The following PCDH11X variants were observed in gnomAD, a reference collection of about 807,000 sequenced individuals.
PCDH11X encodes the protein protocadherin 11 X-linked, also known as protocadherin-11 X-linked.
In PCDH11X, 18 loss-of-function variants were observed where a neutral mutation model predicts 53.3. The observed-to-expected ratio is 0.34, with a 90% CI of 0.23 to 0.50. PCDH11X has a LOEUF of 0.50. Ranked by LOEUF, PCDH11X falls within the 20% of genes least tolerant of loss-of-function variation. The probability of loss-of-function intolerance (pLI) is 0.98; values close to 1 mark genes in which losing one functional copy is unlikely to be tolerated. For missense variants in PCDH11X, 570 were observed against 1,032.4 expected (o/e 0.55, Z 6.14); for synonymous variants, 279 against 393.3 (o/e 0.71, Z 3.44).
At chrX:91,788,459 A>G (rs768284892) in intron 1 of PCDH11X, among the ~76,000 whole-genome samples, 1 of 112,280 alleles carries the variant, frequency 8.9e-6, no homozygotes, top group East Asian at 2.8e-4. Context: ...TAAAATGGCT[A>G]GAAATATACA....
intron 10 of PCDH11X, among the ~76,000 whole-genome samples, chrX:92,597,570 A>G (rs1442523744): frequency 8.9e-6 from 1 of 111,968 alleles, no homozygotes; most frequent in Non-Finnish European, 1.9e-5. Flanking sequence ...CATGAATTAG[A>G]AAAATTAATA....
At chrX:91,864,464 G>A (rs1418358529) in intron 5 of PCDH11X, among the ~76,000 whole-genome samples, 2 of 100,372 alleles carry the variant, frequency 2.0e-5, no homozygotes, top group Non-Finnish European at 2.0e-5. Context: ...ATCTTTAGGA[G>A]TTTAATTATT....
intron 10 of PCDH11X, among the ~76,000 whole-genome samples, chrX:92,548,084 T>C (rs2074889688): frequency 9.0e-6 from 1 of 110,541 alleles, no homozygotes; most frequent in Non-Finnish European, 1.9e-5. Flanking sequence ...GTTTAAATTG[T>C]GCATTGTCAT....
At chrX:92,476,236 A>G (rs1207918786) in intron 10 of PCDH11X, among the ~76,000 whole-genome samples, 1 of 111,663 alleles carries the variant, frequency 9.0e-6, no homozygotes, top group African/African-American at 3.3e-5. Context: ...GGCCTCCCCA[A>G]CCACGTGGAA....
chrX:92,532,237 C>T (rs1712804853), intron 10 of PCDH11X, among the ~76,000 whole-genome samples: 1 of 111,011 alleles, frequency 9.0e-6, no homozygotes, highest in African/African-American at 3.3e-5. Context: ...TTGCCTTAGC[C>T]TAAATTTCTA....
At chrX:92,111,339 A>G (rs1200745566) in intron 6 of PCDH11X, among the ~76,000 whole-genome samples, 1 of 107,875 alleles carries the variant, frequency 9.3e-6, no homozygotes, top group Non-Finnish European at 1.9e-5. Flanking sequence ...TAGAAACTTC[A>G]TATTCTACTC....
intron 6 of PCDH11X, among the ~76,000 whole-genome samples, chrX:92,109,323 G>A (rs35549345): frequency 4.5e-5 from 5 of 110,496 alleles, no homozygotes; most frequent in Admixed American, 2.9e-4. Context: ...GCTGTGAGCC[G>A]AGATCATGCC....
chrX:91,908,523 G>C (rs1941264768), intron 6 of PCDH11X, among the ~76,000 whole-genome samples: 2 of 111,800 alleles, frequency 1.8e-5, no homozygotes, highest in South Asian at 7.4e-4. Flanking sequence ...AAAAGTCAAG[G>C]CCAGGTGTGG....
rs192871392 is a variant in PCDH11X, at chrX:92,520,120, T to A, written c.3367+51798T>A. ...GGAGAGAAATAGAAAGGAATCAACA[T>A]TAACACTTAACGGTATTTATAGAAT... is the stretch of plus-strand genomic sequence containing the variant. On this transcript the variant is annotated intron_variant, in intron 10 of 10. Coordinates refer to ENST00000682573, the MANE Select transcript of PCDH11X (RefSeq NM_032968.5). Among the ~76,000 whole-genome samples, 7 of 110,253 alleles carry A rather than the reference T, an allele frequency of 6.3e-5. No individual in the cohort carries two copies. The East Asian group carries it at 2.0e-3, about 32-fold the overall frequency.
intron 9 of PCDH11X, among the ~76,000 whole-genome samples, chrX:92,390,687 G>A (rs2071110358): frequency 1.0e-5 from 1 of 96,563 alleles, no homozygotes; most frequent in African/African-American, 3.8e-5. Context: ...ATTTTGAAAT[G>A]TATTACATCT....
intron 6 of PCDH11X, among the ~76,000 whole-genome samples, chrX:92,093,196 C>T (rs35177872): frequency 9.0e-6 from 1 of 111,347 alleles, no homozygotes; most frequent in Non-Finnish European, 1.9e-5. Context: ...ACAGCAATGC[C>T]GGAACAGACT....
chrX:92,147,806 C>T (rs796184765), intron 6 of PCDH11X, among the ~76,000 whole-genome samples: 3 of 65,257 alleles, frequency 4.6e-5, no homozygotes, highest in East Asian at 1.2e-3. Flanking sequence ...TTCTTTTCTT[C>T]CTTCCTTTCT....
At chrX:92,462,330 T>C (rs2073065828) in intron 9 of PCDH11X, among the ~76,000 whole-genome samples, 1 of 110,780 alleles carries the variant, frequency 9.0e-6, no homozygotes. Flanking sequence ...CTTGGAGGCA[T>C]GTATTTTGTC....
intron 10 of PCDH11X, among the ~76,000 whole-genome samples, chrX:92,587,213 C>T (rs1924490589): frequency 9.0e-6 from 1 of 110,729 alleles, no homozygotes; most frequent in Non-Finnish European, 1.9e-5. Flanking sequence ...AATTTGCTAT[C>T]AGAGATTAAC....
intron 9 of PCDH11X, among the ~76,000 whole-genome samples, chrX:92,397,626 T>A: frequency 9.1e-6 from 1 of 109,461 alleles, no homozygotes; most frequent in Non-Finnish European, 1.9e-5. Context: ...TTAATCTGAT[T>A]TTTAAAGACT....
intron 10 of PCDH11X, among the ~76,000 whole-genome samples, chrX:92,526,098 C>A (rs1668263418): frequency 9.0e-6 from 1 of 111,323 alleles, no homozygotes; most frequent in Non-Finnish European, 1.9e-5. Flanking sequence ...ATTCTTAATT[C>A]ATCACGGGAG....
intron 6 of PCDH11X, among the ~76,000 whole-genome samples, chrX:92,007,442 C>A (rs760845317): frequency 9.0e-6 from 1 of 111,285 alleles, no homozygotes; most frequent in African/African-American, 3.3e-5. Context: ...TCCCTTATGA[C>A]CCAAGGTCTC....
At position 92,208,508 on chromosome X, in the gene PCDH11X, AATATAT is replaced by A. The variant is rs58212809; in HGVS notation, c.3114+7077_3114+7082del. ...ACAACCGAAGGTGGTCCCTGAAACT[AATATAT>A]ATATATATATATATATATATATACA... On this transcript the variant is annotated intron_variant, in intron 7 of 10. Coordinates refer to ENST00000682573, the MANE Select transcript of PCDH11X (RefSeq NM_032968.5). Among the ~76,000 whole-genome samples, 42 of 30,676 alleles carry A rather than the reference AATATAT, an allele frequency of 1.4e-3. 3 individuals are homozygous for A. The highest frequency in any genetic ancestry group is 0.01 in the South Asian group (5 of 484). The allele number at this position is 30,676 out of a possible 115,157, so 26.6% of individuals were successfully genotyped here. A position where few individuals can be genotyped will look rare whatever the true frequency, so the allele number is the denominator to read the frequency against.
chrX:92,586,977 CTTTTT>C (rs34675403), intron 10 of PCDH11X, among the ~76,000 whole-genome samples: 1 of 72,936 alleles, frequency 1.4e-5, no homozygotes, highest in Admixed American at 1.8e-4. Flanking sequence ...ACACAGAAGC[CTTTTT>C]TTTTTTTTTT....
Sources: allele counts gnomAD v4.1 joint callset (sites outside exome capture counted in the v4.1 genomes callset), GRCh38; gene constraint gnomAD v4.1.1; transcripts MANE v1.5; gene names NCBI Gene and HGNC (gene_info 2026-07-23, HGNC 2026-07-21).